ROPN1B: variants seen among roughly 807,000 people sequenced by gnomAD.
The protein encoded by ROPN1B is rhophilin associated tail protein 1B, also known as ropporin-1B.
ROPN1B carries 13 observed loss-of-function variants against 23.7 expected under a neutral mutation model. The observed-to-expected ratio is 0.55, with a 90% CI of 0.36 to 0.87. The LOEUF (loss-of-function observed/expected upper bound fraction) is 0.87, where lower values mean the gene tolerates loss of function less well. ROPN1B is among the 40% of genes least tolerant of loss of function. The pLI is 0.01. For synonymous variants in ROPN1B, 67 were observed against 100.4 expected (o/e 0.67, Z 1.99); for missense variants, 183 against 249.2 (o/e 0.73, Z 1.79).
At chr3:125,980,502 T>C (rs1303934136) in intron 5 of ROPN1B, among the ~76,000 whole-genome samples, 2 of 152,180 alleles carry the variant, frequency 1.3e-5, no homozygotes, top group Non-Finnish European at 2.9e-5. Flanking sequence ...TCTCGAACTG[T>C]GTCCCTCTGT....
At chr3:125,969,796 G>T (rs1938127803) in intron 1 of ROPN1B, among the ~76,000 whole-genome samples, 1 of 152,164 alleles carries the variant, frequency 6.6e-6, no homozygotes, top group South Asian at 2.1e-4. Context: ...GCACTTCATA[G>T]ACTCCTATCA....
chr3:125,970,235 A>C (rs535945378), intron 1 of ROPN1B: 9 of 152,246 alleles, frequency 5.9e-5, no homozygotes, highest in Admixed American at 4.6e-4. Flanking sequence ...AGGAAGAATC[A>C]ACCTGTTAAG....
At chr3:125,975,228 C>T (rs1559783905) in intron 3 of ROPN1B, among the ~76,000 whole-genome samples, 1 of 152,164 alleles carries the variant, frequency 6.6e-6, no homozygotes, top group African/African-American at 2.4e-5. Flanking sequence ...TAACATATAT[C>T]TGTGTGTATA....
At position 125,981,459 on chromosome 3, in the gene ROPN1B, G is replaced by A. The variant is rs1167712166; in HGVS notation, c.397-811G>A. 4.6e-5 allele frequency among the ~76,000 whole-genome samples: 7 copies of A among 152,240 alleles called. No homozygotes were observed. The South Asian group carries it at 8.3e-4, about 18-fold the overall frequency. ...CTGGAAGAGTGTGTCAGGATGATCC[G>A]TACATCACCAGTTTCAGTAAACCAC... On this transcript the variant is annotated intron_variant, in intron 5 of 6. Transcript: ENST00000514116.
At chr3:125,981,014 G>A (rs1938594257) in intron 5 of ROPN1B, among the ~76,000 whole-genome samples, 1 of 151,370 alleles carries the variant, frequency 6.6e-6, no homozygotes, top group Non-Finnish European at 1.5e-5. Flanking sequence ...AAAGGAAGGT[G>A]GCCTGCCTCA....
chr3:125,980,002 G>T (rs1353275531), intron 5 of ROPN1B, among the ~76,000 whole-genome samples: 2 of 152,202 alleles, frequency 1.3e-5, no homozygotes, highest in Non-Finnish European at 2.9e-5. Flanking sequence ...AAGAGATCAC[G>T]TATGTAGAAA....
At position 125,974,562 on chromosome 3, in the gene ROPN1B, G is replaced by A. The variant is rs568379167; in HGVS notation, c.117-1001G>A. ...AACAGAAATTTGTGGTTCATGGATC[G>A]TCAATAACCAGGCTTTTGATGGAGA... On this transcript the variant is annotated intron_variant, in intron 3 of 6. Transcript: ENST00000514116. 4.6e-5 allele frequency among the ~76,000 whole-genome samples: 7 copies of A among 152,326 alleles called. No individual in the cohort carries two copies. The East Asian group carries it at 5.8e-4, about 13-fold the overall frequency.
chr3:125,975,516 C>G, intron 3 of ROPN1B, 47 bp from the exon 4 acceptor site: 1 of 1,524,928 alleles, frequency 6.6e-7, no homozygotes, highest in Non-Finnish European at 8.9e-7. Context: ...CAGCCAGAGG[C>G]CACTGGTGTA....
rs188973581 is a variant in ROPN1B at position 125,972,171 on chromosome 3, G to A, written c.116+1G>A. 3.7e-6 allele frequency: 6 copies of A among 1,614,122 alleles called. No individual in the cohort carries two copies. In the East Asian group the frequency reaches 1.1e-4, roughly 30 times the overall value. The stretch of plus-strand genomic sequence containing the variant: ...AGGACCTCATCCAGTGGGGGGCCGA[G>A]TACGTGCTCCTTTCTCGCCTTCATC... On this transcript the variant is annotated splice_donor_variant, in intron 3 of 6. Coordinates refer to ENST00000514116, the MANE Select transcript of ROPN1B (RefSeq NM_001308313.2). LOFTEE classifies it high-confidence loss of function.
intron 5 of ROPN1B, chr3:125,978,134 T>G (rs1938487608): frequency 6.6e-6 from 1 of 152,230 alleles, no homozygotes; most frequent in Admixed American, 6.5e-5. Flanking sequence ...ATTTGTGGCT[T>G]TTTTTCTTCA....
intron 6 of ROPN1B, 127 bp downstream of exon 6, chr3:125,982,572 T>C: frequency 1.3e-6 from 1 of 752,772 alleles, no homozygotes; most frequent in Non-Finnish European, 2.0e-6. Flanking sequence ...GAAATATCGA[T>C]CTGAAAGAAA....
chr3:125,974,616 C>CACATGTCACCATGG (rs1200998722), intron 3 of ROPN1B, among the ~76,000 whole-genome samples: 3 of 152,212 alleles, frequency 2.0e-5, no homozygotes, highest in Non-Finnish European at 2.9e-5. Context: ...TTTGGTGACC[C>CACATGTCACCATGG]ACATGTCAGC....
chr3:125,970,842 C>T (rs950732515), intron 1 of ROPN1B, among the ~76,000 whole-genome samples: 16 of 152,124 alleles, frequency 1.1e-4, no homozygotes, highest in African/African-American at 3.1e-4. Flanking sequence ...TTGGGATTTC[C>T]GAGCCATGCT....
chr3:125,983,047 G>A (rs1030934363), intron 6 of ROPN1B, among the ~76,000 whole-genome samples: 12 of 152,134 alleles, frequency 7.9e-5, no homozygotes, highest in African/African-American at 2.4e-4. Flanking sequence ...AGAATGGCTT[G>A]AGCCCAGGAG....
intron 4 of ROPN1B, among the ~76,000 whole-genome samples, chr3:125,975,930 A>C (rs1437327025): frequency 6.6e-6 from 1 of 152,222 alleles, no homozygotes; most frequent in Non-Finnish European, 1.5e-5. Context: ...ACAGGGGCTC[A>C]ATGCAATGCT....
At chr3:125,974,035 T>A (rs1318124994) in intron 3 of ROPN1B, among the ~76,000 whole-genome samples, 1 of 152,204 alleles carries the variant, frequency 6.6e-6, no homozygotes, top group East Asian at 1.9e-4. Flanking sequence ...TGAAGCTCAA[T>A]AACCCAAAGA....
chr3:125,971,494 T>C (rs933814443), intron 2 of ROPN1B, among the ~76,000 whole-genome samples: 1 of 152,212 alleles, frequency 6.6e-6, no homozygotes, highest in Non-Finnish European at 1.5e-5. Context: ...GCCTGACAAT[T>C]AGAGTTGAAA....
At chr3:125,974,924 A>T (rs1938349802) in intron 3 of ROPN1B, among the ~76,000 whole-genome samples, 2 of 152,060 alleles carry the variant, frequency 1.3e-5, no homozygotes, top group South Asian at 4.2e-4. Context: ...CTCACTACAT[A>T]CGGCCAGAAA....
At chr3:125,983,079 G>C (rs1938664850) in intron 6 of ROPN1B, among the ~76,000 whole-genome samples, 175 bp from the exon 7 acceptor site, 1 of 152,182 alleles carries the variant, frequency 6.6e-6, no homozygotes, top group Non-Finnish European at 1.5e-5. Context: ...AGTGAGCCGA[G>C]ATTGCATCAC....
Sources: allele counts gnomAD v4.1 joint callset (sites outside exome capture counted in the v4.1 genomes callset), GRCh38; gene constraint gnomAD v4.1.1; transcripts MANE v1.5; gene names NCBI Gene and HGNC (gene_info 2026-07-23, HGNC 2026-07-21).